Variants in PLXDC1 observed in about 807,000 individuals in gnomAD.
PLXDC1 encodes the protein plexin domain-containing protein 1.
Under a neutral mutation model 61.3 loss-of-function variants are expected in PLXDC1, and 39 were observed. That is an observed-to-expected ratio of 0.64 (90% CI 0.49 to 0.83). The LOEUF (loss-of-function observed/expected upper bound fraction) is 0.83, where lower values mean the gene tolerates loss of function less well. Ranked by LOEUF, PLXDC1 falls within the 40% of genes least tolerant of loss-of-function variation. PLXDC1 has a pLI of 0.00. For synonymous variants in PLXDC1, 212 were observed against 254.5 expected, an observed-to-expected ratio of 0.83 and a Z score of 1.59; for missense variants, 596 against 666.5, an observed-to-expected ratio of 0.89 and a Z score of 1.17.
chr17:39,110,441 C>T (rs1910757377), intron 2 of PLXDC1, among the ~76,000 whole-genome samples: 1 of 152,174 alleles, frequency 6.6e-6, no homozygotes. Context: ...CAGAGGAGCA[C>T]TTGGGCCAGG....
chr17:39,135,543 G>A (rs1911718906), intron 2 of PLXDC1, among the ~76,000 whole-genome samples: 1 of 152,032 alleles, frequency 6.6e-6, no homozygotes, highest in Admixed American at 6.6e-5. Flanking sequence ...TGGGCGTGGT[G>A]GCGCATGCCT....
At chr17:39,075,727 C>T (rs994557614) in intron 11 of PLXDC1, among the ~76,000 whole-genome samples, 2 of 152,200 alleles carry the variant, frequency 1.3e-5, no homozygotes, top group Admixed American at 6.5e-5. Flanking sequence ...AACCTCCCCC[C>T]AGCCAGGTCC....
chr17:39,066,220 C>T lies in PLXDC1; in HGVS notation c.*1620G>A, dbSNP rs12453592. 0.23 allele frequency: 34,552 copies of T among 152,120 alleles called. 4,842 individuals carry two copies. Among genetic ancestry groups the T allele is most frequent in the Admixed American group, 0.4 (6,103 of 15,278 alleles). The allele number at this position is 152,120 out of a possible 1,614,324, so 9.4% of individuals were successfully genotyped here. On this transcript the variant is annotated 3_prime_UTR_variant, in exon 14 of 14. Coordinates refer to ENST00000315392, the MANE Select transcript of PLXDC1 (RefSeq NM_020405.5). ...ATCAGAACAGGGCAGTGAGTAAACCCGGCACCGAACAGGCCATCAGAATAG... is the reference window on the plus strand; with the variant it reads ...ATCAGAACAGGGCAGTGAGTAAACCTGGCACCGAACAGGCCATCAGAATAG...
In PLXDC1 at chr17:39,151,328, C is replaced by T; in HGVS notation, c.76+34G>A. The T allele has an allele frequency of 7.9e-7, 1 of 1,266,458 alleles. No homozygotes were observed. The highest frequency in any genetic ancestry group is 9.9e-7 in the Non-Finnish European group (1 of 1,005,050). The allele number at this position is 1,266,458 out of a possible 1,614,324, so 78.5% of individuals were successfully genotyped here. A position where few individuals can be genotyped will look rare whatever the true frequency, so the allele number is the denominator to read the frequency against. On this transcript the variant is annotated intron_variant, in intron 1 of 13. Coordinates refer to ENST00000315392, the MANE Select transcript of PLXDC1 (RefSeq NM_020405.5). This position sits in a 1 kb window ranked among gnomAD's most constrained non-coding sequence, Gnocchi z 5.2. ...CCTGACTGCCCGTCCCTCCCCGCCC[C>T]CGGCCCACCCGGGCCGGCTCCCGCC...
In PLXDC1 at chr17:39,151,321, C is replaced by T. The variant is rs1393136620; in HGVS notation, c.76+41G>A. The T allele has an allele frequency of 5.6e-6, 7 of 1,261,072 alleles. No individual in the cohort carries two copies. The highest frequency in any genetic ancestry group is 7.0e-6 in the Non-Finnish European group (7 of 1,000,840). 78.1% of individuals were successfully genotyped at this position (1,261,072 alleles called of 1,614,324 possible). ...GCCCACACCTGACTGCCCGTCCCTC[C>T]CCGCCCCCGGCCCACCCGGGCCGGC... is the stretch of plus-strand genomic sequence containing the variant. On this transcript the variant is annotated intron_variant, in intron 1 of 13. Coordinates refer to ENST00000315392, the MANE Select transcript of PLXDC1 (RefSeq NM_020405.5). This position sits in a 1 kb window ranked among gnomAD's most constrained non-coding sequence, Gnocchi z 5.2.
At chr17:39,072,156 C>T in intron 12 of PLXDC1, 2 of 466,932 alleles carry the variant, frequency 4.3e-6, no homozygotes, top group Non-Finnish European at 3.9e-6. Context: ...CCTTCCCCTC[C>T]TCCCACTCCT....
chr17:39,068,998 C>T (rs1256050238), intron 13 of PLXDC1, among the ~76,000 whole-genome samples: 1 of 152,216 alleles, frequency 6.6e-6, no homozygotes, highest in Non-Finnish European at 1.5e-5. Context: ...GCCTCACATC[C>T]CATGCTGCCC....
At chr17:39,071,004 A>G (rs1329187748) in intron 12 of PLXDC1, among the ~76,000 whole-genome samples, 1 of 152,170 alleles carries the variant, frequency 6.6e-6, no homozygotes. Context: ...CAAAACTGGC[A>G]GGCCCGTCAG....
intron 12 of PLXDC1, among the ~76,000 whole-genome samples, chr17:39,071,834 C>T (rs1909131146): frequency 1.3e-5 from 2 of 152,154 alleles, no homozygotes; most frequent in Admixed American, 6.5e-5. Context: ...CTCCAGCCCC[C>T]GGAGCTGGAA....
chr17:39,118,154 C>T (rs1021277942), intron 2 of PLXDC1, among the ~76,000 whole-genome samples: 1 of 140,710 alleles, frequency 7.1e-6, no homozygotes, highest in Non-Finnish European at 1.5e-5. Flanking sequence ...CAATCTCTTC[C>T]TTCCTTTCTC....
At chr17:39,094,777 G>A (rs1167366300) in intron 7 of PLXDC1, among the ~76,000 whole-genome samples, 1 of 152,130 alleles carries the variant, frequency 6.6e-6, no homozygotes, top group African/African-American at 2.4e-5. Flanking sequence ...AAGGAAGCAC[G>A]CCCTCCCTCC....
chr17:39,100,090 C>A (rs1281802202), intron 7 of PLXDC1, among the ~76,000 whole-genome samples: 1 of 152,206 alleles, frequency 6.6e-6, no homozygotes, highest in Non-Finnish European at 1.5e-5. Context: ...GTTTACCAGG[C>A]AAGGAGCCAA....
In PLXDC1 at chr17:39,066,734, G is replaced by T. The variant is rs1036934377; in HGVS notation, c.*1106C>A. ...CTGAGTAGCTGGGATACAGGCAAGC[G>T]TCACCACACCCAGCTAATTTTTTGT... is the stretch of plus-strand genomic sequence containing the variant. On this transcript the variant is annotated 3_prime_UTR_variant, in exon 14 of 14. Coordinates refer to ENST00000315392, the MANE Select transcript of PLXDC1 (RefSeq NM_020405.5). 6.6e-6 allele frequency: 1 copy of T among 152,164 alleles called. No homozygotes were observed. Among genetic ancestry groups the T allele is most frequent in the African/African-American group, 2.4e-5 (1 of 41,436 alleles). The allele number at this position is 152,164 out of a possible 1,614,324, so 9.4% of individuals were successfully genotyped here.
chr17:39,149,846 C>A (rs1567776549), intron 1 of PLXDC1, among the ~76,000 whole-genome samples: 1 of 152,182 alleles, frequency 6.6e-6, no homozygotes, highest in East Asian at 1.9e-4. Context: ...ACCCAGAGTT[C>A]AGAAGATCAC....
At chr17:39,145,815 A>G (rs1039355429) in intron 1 of PLXDC1, among the ~76,000 whole-genome samples, 1 of 152,136 alleles carries the variant, frequency 6.6e-6, no homozygotes. Context: ...TAACTACAAC[A>G]TTGGACAAAT....
chr17:39,147,598 C>T (rs1362946466), intron 1 of PLXDC1, among the ~76,000 whole-genome samples: 1 of 151,626 alleles, frequency 6.6e-6, no homozygotes, highest in African/African-American at 2.4e-5. Flanking sequence ...TGAGGACCCT[C>T]ACCTGGGGAG....
intron 7 of PLXDC1, among the ~76,000 whole-genome samples, chr17:39,102,926 G>GA (rs1290928650): frequency 6.6e-6 from 1 of 152,176 alleles, no homozygotes; most frequent in East Asian, 1.9e-4. Context: ...ACTTATTCAT[G>GA]AAAAAATATA....
At chr17:39,128,432 G>A (rs910849399) in intron 2 of PLXDC1, among the ~76,000 whole-genome samples, 54 of 150,978 alleles carry the variant, frequency 3.6e-4, no homozygotes, top group Admixed American at 1.3e-4. Context: ...GTTGGCCAGG[G>A]TGGTCTCAAA....
intron 2 of PLXDC1, among the ~76,000 whole-genome samples, chr17:39,118,836 G>T (rs1184289785): frequency 6.6e-6 from 1 of 152,134 alleles, no homozygotes; most frequent in Non-Finnish European, 1.5e-5. Context: ...GGTGAAATTG[G>T]GAAACTGAGA....
Sources: allele counts gnomAD v4.1 joint callset (sites outside exome capture counted in the v4.1 genomes callset), GRCh38; gene constraint gnomAD v4.1.1; non-coding constraint Gnocchi (gnomAD v3.1); transcripts MANE v1.5; gene names NCBI Gene and HGNC (gene_info 2026-07-23, HGNC 2026-07-21).